Variants in OLFML2B observed in about 807,000 individuals in gnomAD.
OLFML2B encodes olfactomedin like 2B, also known as olfactomedin-like protein 2B.
OLFML2B carries 57 observed loss-of-function variants against 74.9 expected under a neutral mutation model. The observed-to-expected ratio is 0.76, with a 90% CI of 0.61 to 0.95. The LOEUF (loss-of-function observed/expected upper bound fraction) is 0.95, where lower values mean the gene tolerates loss of function less well. Ranked by LOEUF, OLFML2B falls within the 40% of genes least tolerant of loss-of-function variation. The pLI, the probability that OLFML2B is intolerant of heterozygous loss-of-function variation, is 0.00. For missense variants in OLFML2B, 986 were observed against 970.6 expected (o/e 1.02, Z -0.21); for synonymous variants, 388 against 405.8 (o/e 0.96, Z 0.53).
chr1:162,000,569 G>A (rs1690056004), intron 4 of OLFML2B, among the ~76,000 whole-genome samples: 1 of 152,204 alleles, frequency 6.6e-6, no homozygotes, highest in Non-Finnish European at 1.5e-5. Flanking sequence ...TCAGGAAACT[G>A]AGGCACAGAG....
At chr1:162,023,149 G>T in intron 1 of OLFML2B, 108 bp downstream of exon 1, 3 of 1,035,888 alleles carry the variant, frequency 2.9e-6, no homozygotes, top group Non-Finnish European at 4.0e-6. Context: ...CCTTTCCATT[G>T]GTAATGGAAG....
chr1:162,020,105 C>T lies in OLFML2B; in HGVS notation c.252G>A (p.Leu84=). 6.2e-7 allele frequency: 1 copy of T among 1,614,182 alleles called. No homozygotes were observed. Among genetic ancestry groups the T allele is most frequent in the South Asian group, 1.1e-5 (1 of 91,082 alleles). Residue 84 remains leucine, a synonymous_variant, in exon 2 of 8, where the codon CTG becomes CTA. Coordinates refer to ENST00000294794, the MANE Select transcript of OLFML2B (RefSeq NM_015441.3). ...TGATCCTCTGGCAGGCATCCCGGCC[C>T]AGGGGTCTCACCACACACTTGCACT... ...DCQCKCVVRP[L]GRDACQRINA...
intron 2 of OLFML2B, among the ~76,000 whole-genome samples, chr1:162,018,938 C>T (rs1570959350): frequency 6.6e-6 from 1 of 152,200 alleles, no homozygotes; most frequent in Non-Finnish European, 1.5e-5. Flanking sequence ...GACATTTTGC[C>T]TTATAGTGTT....
rs910781750 is a variant in OLFML2B, at chr1:162,020,897, A to T, written c.175-715T>A. On this transcript the variant is annotated intron_variant, in intron 1 of 7. Transcript: ENST00000294794. ...GTATTCAAGTTTGAAGACTACTGGC[A>T]TCTCTCATTCATTTATTCAACATTT... 3.3e-5 allele frequency among the ~76,000 whole-genome samples: 5 copies of T among 152,376 alleles called. No individual in the cohort carries two copies. The South Asian group carries it at 6.2e-4, about 19-fold the overall frequency.
rs188991059 is a variant in OLFML2B at position 162,000,002 on chromosome 1, A to T, written c.949+111T>A. On this transcript the variant is annotated intron_variant, in intron 5 of 7. Transcript: ENST00000294794. Reference sequence around the variant, plus strand: ...ATAACAGGGCCACAGCAGTAATTGGAATGCTGTGTATGGAGGGGTGTATGG... The same window carrying T: ...ATAACAGGGCCACAGCAGTAATTGGTATGCTGTGTATGGAGGGGTGTATGG... 3.1e-4 allele frequency: 244 copies of T among 787,110 alleles called. No individual in the cohort carries two copies. In the African/African-American group the frequency reaches 3.7e-3, roughly 12 times the overall value. The allele number at this position is 787,110 out of a possible 1,614,324, so 48.8% of individuals were successfully genotyped here. A position where few individuals can be genotyped will look rare whatever the true frequency, so the allele number is the denominator to read the frequency against.
intron 3 of OLFML2B, among the ~76,000 whole-genome samples, chr1:162,010,891 G>A (rs950750953): frequency 6.6e-6 from 1 of 152,160 alleles, no homozygotes. Context: ...CCTCACCCAA[G>A]CTTGGCACAG....
intron 6 of OLFML2B, among the ~76,000 whole-genome samples, chr1:161,988,059 G>C (rs1389106419): frequency 6.6e-6 from 1 of 152,158 alleles, no homozygotes; most frequent in South Asian, 2.1e-4. Flanking sequence ...TCTTCAAGGG[G>C]GATGACAGAA....
intron 6 of OLFML2B, among the ~76,000 whole-genome samples, chr1:161,997,434 A>G (rs1571292145): frequency 6.6e-6 from 1 of 152,324 alleles, no homozygotes; most frequent in East Asian, 1.9e-4. Context: ...CTTTCCCCCC[A>G]GTAAAAACCC....
chr1:161,993,862 C>T (rs1337919087), intron 6 of OLFML2B, among the ~76,000 whole-genome samples: 1 of 152,356 alleles, frequency 6.6e-6, no homozygotes, highest in South Asian at 2.1e-4. Context: ...TTCCCATGTG[C>T]TCGGCCACTT....
chr1:161,985,011 G>C, intron 6 of OLFML2B, 31 bp from the exon 7 acceptor site: 1 of 1,585,598 alleles, frequency 6.3e-7, no homozygotes, highest in Non-Finnish European at 8.6e-7. Flanking sequence ...GGAGGTTTTG[G>C]GCTGATCTAG....
chr1:161,987,855 TGCCCTGCGGATGA>T (rs1049125222), intron 6 of OLFML2B, among the ~76,000 whole-genome samples: 5 of 152,212 alleles, frequency 3.3e-5, no homozygotes, highest in African/African-American at 1.2e-4. Flanking sequence ...CAAACACTGC[TGCCCTGCGGATGA>T]GCCCAGGCAG....
chr1:161,987,622 A>G lies in OLFML2B; in HGVS notation c.1475-2642T>C, dbSNP rs535908906. ...GATACCTTGATTTTAGCCCTGCAAG[A>G]CTCATTTTGAATTTCTGGCCTCCAG... On this transcript the variant is annotated intron_variant, in intron 6 of 7. Transcript: ENST00000294794. Among the ~76,000 whole-genome samples the G allele has an allele frequency of 2.0e-5, 3 of 152,272 alleles. No individual in the cohort carries two copies. In the South Asian group the frequency reaches 6.2e-4, roughly 32 times the overall value.
At chr1:162,012,918 T>A (rs1292603478) in intron 3 of OLFML2B, among the ~76,000 whole-genome samples, 1 of 152,202 alleles carries the variant, frequency 6.6e-6, no homozygotes, top group Non-Finnish European at 1.5e-5. Context: ...TGTCTTTTTC[T>A]CCACTTTAGT....
chr1:162,000,575 C>T (rs1447818182), intron 4 of OLFML2B, among the ~76,000 whole-genome samples: 1 of 152,184 alleles, frequency 6.6e-6, no homozygotes, highest in Non-Finnish European at 1.5e-5. Flanking sequence ...AACTGAGGCA[C>T]AGAGAGGTTA....
In OLFML2B at chr1:162,020,767, G is replaced by A. The variant is rs1026180502; in HGVS notation, c.175-585C>T. 4.6e-5 allele frequency among the ~76,000 whole-genome samples: 7 copies of A among 152,042 alleles called. No homozygotes were observed. The South Asian group carries it at 6.2e-4, about 14-fold the overall frequency. The stretch of plus-strand genomic sequence containing the variant: ...TGACCCTAAGTGATCCACCTGCCCC[G>A]GCCTCCCAAAGTGCTGGGATTACAG... On this transcript the variant is annotated intron_variant, in intron 1 of 7. Coordinates refer to ENST00000294794, the MANE Select transcript of OLFML2B (RefSeq NM_015441.3).
chr1:162,001,915 G>C (rs55681245), intron 4 of OLFML2B, among the ~76,000 whole-genome samples: 1 of 152,078 alleles, frequency 6.6e-6, no homozygotes, highest in Admixed American at 6.5e-5. Flanking sequence ...CATATGGCCC[G>C]GTGACTGGGC....
At chr1:162,001,915 G>A (rs55681245) in intron 4 of OLFML2B, among the ~76,000 whole-genome samples, 18,740 of 152,174 alleles carry the variant, frequency 0.12, 1,519 homozygotes, top group African/African-American at 0.22. Flanking sequence ...CATATGGCCC[G>A]GTGACTGGGC....
chr1:161,993,562 G>T (rs1329024922), intron 6 of OLFML2B, among the ~76,000 whole-genome samples: 2 of 152,154 alleles, frequency 1.3e-5, no homozygotes, highest in East Asian at 3.9e-4. Context: ...CATGCTTAGA[G>T]CCCTCTCTAT....
rs139870398 is a variant in OLFML2B at position 162,013,272 on chromosome 1, G to A, written c.546+4128C>T. On this transcript the variant is annotated intron_variant, in intron 3 of 7. Coordinates refer to ENST00000294794, the MANE Select transcript of OLFML2B (RefSeq NM_015441.3). ...CCCTTCCCCTTCCCAGCCACTCACA[G>A]GAAGGAGAGGTCAGCTGGGGTCTAT... is the stretch of plus-strand genomic sequence containing the variant. Among the ~76,000 whole-genome samples the A allele has an allele frequency of 1.4e-4, 21 of 152,298 alleles. No individual in the cohort carries two copies. The East Asian group carries it at 4.0e-3, about 29-fold the overall frequency.
Sources: gnomAD v4.1 joint callset for allele counts (sites outside exome capture counted in the v4.1 genomes callset) on GRCh38, gnomAD v4.1.1 for gene constraint, MANE v1.5 for transcripts, NCBI Gene and HGNC (gene_info 2026-07-23, HGNC 2026-07-21) for gene names.